The following SEMA5A variants were observed in gnomAD, a reference collection of about 807,000 sequenced individuals.
SEMA5A encodes the protein semaphorin-5A.
SEMA5A carries 55 observed loss-of-function variants against 135.5 expected under a neutral mutation model. That is an observed-to-expected ratio of 0.41 (90% CI 0.33 to 0.51). SEMA5A has a LOEUF of 0.51. Among genes scored for constraint, SEMA5A ranks in the 20% least tolerant of loss-of-function variants. The pLI is 0.37. For synonymous variants in SEMA5A, 580 were observed against 546.5 expected (o/e 1.06, Z -0.85); for missense variants, 1,290 against 1,419.9 (o/e 0.91, Z 1.47).
chr5:9,280,169 A>G (rs1393280908), intron 5 of SEMA5A, among the ~76,000 whole-genome samples: 2 of 152,196 alleles, frequency 1.3e-5, no homozygotes, highest in African/African-American at 4.8e-5. Context: ...GGCTTTGTAC[A>G]CTGACAGATC....
intron 5 of SEMA5A, among the ~76,000 whole-genome samples, chr5:9,289,294 T>C (rs997788048): frequency 7.9e-5 from 12 of 152,238 alleles, no homozygotes. Context: ...CAAAACTTTT[T>C]AAACTTAGTG....
At chr5:9,236,777 T>G (rs1169388231) in intron 6 of SEMA5A, among the ~76,000 whole-genome samples, 1 of 152,170 alleles carries the variant, frequency 6.6e-6, no homozygotes, top group Admixed American at 6.5e-5. Flanking sequence ...TGGCTAAGAC[T>G]GCATTTTCCT....
chr5:9,255,667 A>C (rs1206217740), intron 5 of SEMA5A, among the ~76,000 whole-genome samples: 1 of 152,076 alleles, frequency 6.6e-6, no homozygotes, highest in Non-Finnish European at 1.5e-5. Context: ...CAATGGTGGC[A>C]TGGCCCTGGC....
At chr5:9,170,033 C>T (rs1363715704) in intron 11 of SEMA5A, among the ~76,000 whole-genome samples, 1 of 152,190 alleles carries the variant, frequency 6.6e-6, no homozygotes, top group East Asian at 1.9e-4. Flanking sequence ...ATTATTTTCA[C>T]TGTCAGTATT....
intron 3 of SEMA5A, among the ~76,000 whole-genome samples, chr5:9,354,529 C>T (rs539948972): frequency 6.6e-6 from 1 of 152,268 alleles, no homozygotes; most frequent in African/African-American, 2.4e-5. Flanking sequence ...CTTCACTAGA[C>T]CGTCTGCTCC....
chr5:9,282,426 G>T (rs1750590212), intron 5 of SEMA5A, among the ~76,000 whole-genome samples: 2 of 152,224 alleles, frequency 1.3e-5, no homozygotes. Flanking sequence ...GAGGATGTGG[G>T]ATTTCTAAAG....
At chr5:9,507,512 C>T (rs369459) in intron 1 of SEMA5A, among the ~76,000 whole-genome samples, 135,517 of 152,218 alleles carry the variant, frequency 0.89, 60,540 homozygotes, top group Middle Eastern at 0.95. Context: ...TTGCCCTTTA[C>T]AGGTTGTACT....
intron 1 of SEMA5A, among the ~76,000 whole-genome samples, chr5:9,505,674 C>A (rs185017950): frequency 6.6e-6 from 1 of 152,202 alleles, no homozygotes; most frequent in African/African-American, 2.4e-5. Flanking sequence ...GAAGGAGAAC[C>A]TTGCAGGTGG....
rs187740259 is a variant in SEMA5A at position 9,156,998 on chromosome 5, C to A, written c.1274-2303G>T. Reference sequence around the variant, plus strand: ...TTCTGCATACCTTGTATCTGATTTTCCAACTAGTGGGAACTAACAAAACTA... The same window carrying A: ...TTCTGCATACCTTGTATCTGATTTTACAACTAGTGGGAACTAACAAAACTA... On this transcript the variant is annotated intron_variant, in intron 11 of 22. Transcript: ENST00000382496. Among the ~76,000 whole-genome samples, 171 of 152,330 alleles carry A rather than the reference C, an allele frequency of 1.1e-3. 1 individual carries two copies. Among genetic ancestry groups the A allele is most frequent in the African/African-American group, 3.9e-3 (163 of 41,574 alleles).
chr5:9,186,437 T>C (rs1164649762), intron 11 of SEMA5A, among the ~76,000 whole-genome samples: 1 of 152,176 alleles, frequency 6.6e-6, no homozygotes, highest in African/African-American at 2.4e-5. Flanking sequence ...CATGTGTTCA[T>C]GTAAAATCAA....
At chr5:9,393,773 T>C (rs1454725330) in intron 2 of SEMA5A, among the ~76,000 whole-genome samples, 1 of 152,068 alleles carries the variant, frequency 6.6e-6, no homozygotes, top group East Asian at 1.9e-4. Flanking sequence ...ATAAGAACAG[T>C]GAGAATGTGC....
At chr5:9,298,212 G>C (rs943749271) in intron 5 of SEMA5A, among the ~76,000 whole-genome samples, 33 of 152,200 alleles carry the variant, frequency 2.2e-4, no homozygotes, top group African/African-American at 7.7e-4. Context: ...AAATTTGGAT[G>C]CTGAGCCAGA....
At chr5:9,337,148 AAGAGAT>A (rs1579368646) in intron 4 of SEMA5A, among the ~76,000 whole-genome samples, 1 of 152,316 alleles carries the variant, frequency 6.6e-6, no homozygotes, top group East Asian at 1.9e-4. Context: ...TCACACCCTT[AAGAGAT>A]AAAGATAAAA....
At chr5:9,543,355 G>C (rs1561337323) in intron 1 of SEMA5A, among the ~76,000 whole-genome samples, 1 of 152,212 alleles carries the variant, frequency 6.6e-6, no homozygotes, top group Admixed American at 6.5e-5. Context: ...CAGCCTCTGA[G>C]CTGTAAGTTT....
intron 14 of SEMA5A, 59 bp downstream of exon 14, chr5:9,122,597 T>C: frequency 7.0e-7 from 1 of 1,418,476 alleles, no homozygotes; most frequent in Non-Finnish European, 9.3e-7. Context: ...TGTCCCAAAC[T>C]CCTCGAGAAT....
intron 11 of SEMA5A, among the ~76,000 whole-genome samples, chr5:9,177,949 C>T (rs1370489021): frequency 6.6e-6 from 1 of 152,136 alleles, no homozygotes; most frequent in East Asian, 1.9e-4. Context: ...TCCATAAACA[C>T]CTTGGCAGAA....
chr5:9,339,398 G>A (rs1753543888), intron 3 of SEMA5A, among the ~76,000 whole-genome samples: 1 of 152,108 alleles, frequency 6.6e-6, no homozygotes, highest in Non-Finnish European at 1.5e-5. Flanking sequence ...TGCCCCCTGT[G>A]GCCATAACTG....
intron 6 of SEMA5A, among the ~76,000 whole-genome samples, chr5:9,228,040 C>G (rs772119249): frequency 6.6e-6 from 1 of 152,148 alleles, no homozygotes; most frequent in African/African-American, 2.4e-5. Flanking sequence ...AGCTGGAGAG[C>G]TCCTCACTTA....
chr5:9,060,312 T>C (rs973231715), intron 18 of SEMA5A, among the ~76,000 whole-genome samples: 3 of 152,218 alleles, frequency 2.0e-5, no homozygotes, highest in Admixed American at 6.5e-5. Flanking sequence ...ATCATGTTAA[T>C]AGAGTGTCTC....
Sources: gnomAD v4.1 joint callset for allele counts (sites outside exome capture counted in the v4.1 genomes callset) on GRCh38, gnomAD v4.1.1 for gene constraint, MANE v1.5 for transcripts, NCBI Gene and HGNC (gene_info 2026-07-23, HGNC 2026-07-21) for gene names.